Variants in TRHDE observed in about 807,000 individuals in gnomAD.
TRHDE encodes the protein thyrotropin releasing hormone degrading enzyme.
A neutral mutation model predicts 125.7 loss-of-function variants in TRHDE; 72 were observed. The observed-to-expected ratio is 0.57, with a 90% confidence interval of 0.47 to 0.70. TRHDE has a LOEUF of 0.70. Among genes scored for constraint, TRHDE ranks in the 30% least tolerant of loss-of-function variants. The probability of loss-of-function intolerance (pLI) is 0.00; values close to 1 mark genes in which losing one functional copy is unlikely to be tolerated. For synonymous variants in TRHDE, 509 were observed against 509.1 expected (o/e 1.00, Z 0.00); for missense variants, 1,110 against 1,327.1 (o/e 0.84, Z 2.54).
intron 2 of TRHDE, chr12:72,256,045 T>TA (rs1287578029): frequency 6.6e-6 from 1 of 152,172 alleles, no homozygotes; most frequent in Non-Finnish European, 1.5e-5. Flanking sequence ...GAATGTTCAT[T>TA]AAATCTACCG....
intron 6 of TRHDE, among the ~76,000 whole-genome samples, chr12:72,537,327 G>T (rs1868914570): frequency 6.6e-6 from 1 of 151,962 alleles, no homozygotes; most frequent in African/African-American, 2.4e-5. Flanking sequence ...GAGGGGACCT[G>T]TAATCCCCAC....
chr12:72,480,934 T>C (rs557792173), intron 5 of TRHDE, among the ~76,000 whole-genome samples: 1 of 152,114 alleles, frequency 6.6e-6, no homozygotes, highest in Admixed American at 6.6e-5. Context: ...ATTTTATCTC[T>C]CCTTCTCACC....
chr12:72,259,903 C>T (rs1365131776), intron 2 of TRHDE, among the ~76,000 whole-genome samples: 1 of 152,196 alleles, frequency 6.6e-6, no homozygotes, highest in African/African-American at 2.4e-5. Flanking sequence ...GACCTTTCTG[C>T]ATTGGCTGGC....
In TRHDE at chr12:72,184,746, G is replaced by A. The variant is rs571319585; in HGVS notation, n.279+78994G>A. 5.3e-5 allele frequency among the ~76,000 whole-genome samples: 8 copies of A among 152,228 alleles called. No homozygotes were observed. The South Asian group carries it at 1.2e-3, about 24-fold the overall frequency. On this transcript the variant is annotated intron_variant and non_coding_transcript_variant, in intron 2 of 4. Transcript: ENST00000548156. ...TTCAGGCCTTGACTGTATCTGATTT[G>A]GAGGTGAAGGGTATGGCTTTTTGCC...
At chr12:72,398,765 A>G (rs1195002343) in intron 3 of TRHDE, among the ~76,000 whole-genome samples, 1 of 152,212 alleles carries the variant, frequency 6.6e-6, no homozygotes, top group Admixed American at 6.5e-5. Context: ...TTCTCTGGTT[A>G]ATGGGAGTGA....
chr12:72,415,190 A>G (rs1873679587), intron 3 of TRHDE, among the ~76,000 whole-genome samples: 1 of 152,140 alleles, frequency 6.6e-6, no homozygotes, highest in Non-Finnish European at 1.5e-5. Context: ...GCTGCAGTTC[A>G]TTAATGTATT....
intron 3 of TRHDE, among the ~76,000 whole-genome samples, chr12:72,465,186 G>T (rs544488768): frequency 3.9e-5 from 6 of 151,946 alleles, no homozygotes; most frequent in Admixed American, 2.6e-4. Flanking sequence ...ATAAACAAAA[G>T]AATATTTTTG....
At chr12:72,104,164 A>G (rs1875129235) in intron 1 of TRHDE, among the ~76,000 whole-genome samples, 1 of 152,302 alleles carries the variant, frequency 6.6e-6, no homozygotes, top group South Asian at 2.1e-4. Context: ...GTTCAAGCAT[A>G]AATTTTATTA....
At chr12:72,132,357 A>G (rs1875884617) in intron 2 of TRHDE, among the ~76,000 whole-genome samples, 1 of 152,234 alleles carries the variant, frequency 6.6e-6, no homozygotes, top group Non-Finnish European at 1.5e-5. Flanking sequence ...AAACACTGGC[A>G]TTCTCATTCT....
At chr12:72,552,930 AC>A (rs1412811180) in intron 7 of TRHDE, among the ~76,000 whole-genome samples, 2 of 152,156 alleles carry the variant, frequency 1.3e-5, no homozygotes, top group Non-Finnish European at 2.9e-5. Flanking sequence ...TAACTCCAGG[AC>A]CTTGCTCATT....
chr12:72,159,030 T>C (rs1876578729), intron 2 of TRHDE, among the ~76,000 whole-genome samples: 1 of 152,228 alleles, frequency 6.6e-6, no homozygotes, highest in African/African-American at 2.4e-5. Flanking sequence ...TGATTCTAGA[T>C]TCTTTAGTTA....
chr12:72,324,175 T>C (rs1347226860), intron 2 of TRHDE, among the ~76,000 whole-genome samples: 1 of 152,112 alleles, frequency 6.6e-6, no homozygotes, highest in Non-Finnish European at 1.5e-5. Flanking sequence ...AATTCATGTT[T>C]AATGAGTACC....
chr12:72,620,496 C>T (rs1873007494), intron 13 of TRHDE, among the ~76,000 whole-genome samples: 1 of 151,794 alleles, frequency 6.6e-6, no homozygotes, highest in Admixed American at 6.6e-5. Context: ...TGTACTCCAG[C>T]CTGAGCAACA....
chr12:72,111,877 ACAGAGT>A (rs1875323349), intron 2 of TRHDE, among the ~76,000 whole-genome samples: 1 of 152,144 alleles, frequency 6.6e-6, no homozygotes, highest in African/African-American at 2.4e-5. Context: ...ATGTGTCTAC[ACAGAGT>A]CATTTTAGCA....
At chr12:72,475,143 T>G (rs1876831340) in intron 5 of TRHDE, among the ~76,000 whole-genome samples, 2 of 152,194 alleles carry the variant, frequency 1.3e-5, no homozygotes, top group Admixed American at 6.5e-5. Flanking sequence ...ATTATATTAT[T>G]GGAAGTATTC....
chr12:72,409,313 A>G (rs1393679248), intron 3 of TRHDE, among the ~76,000 whole-genome samples: 4 of 152,196 alleles, frequency 2.6e-5, no homozygotes, highest in African/African-American at 4.8e-5. Context: ...AATAAATAAA[A>G]TACAGTTTTC....
At chr12:72,222,030 A>T (rs931126928) in intron 2 of TRHDE, among the ~76,000 whole-genome samples, 1 of 151,968 alleles carries the variant, frequency 6.6e-6, no homozygotes, top group African/African-American at 2.4e-5. Context: ...AGCTTCAGGG[A>T]CTCCAATTTC....
chr12:72,397,560 A>G (rs574781920), intron 3 of TRHDE, among the ~76,000 whole-genome samples: 1 of 152,198 alleles, frequency 6.6e-6, no homozygotes, highest in African/African-American at 2.4e-5. Context: ...CCAACCCACC[A>G]TTCTCCTTGT....
At chr12:72,385,847 A>G (rs191189594) in intron 3 of TRHDE, among the ~76,000 whole-genome samples, 90 of 152,290 alleles carry the variant, frequency 5.9e-4, no homozygotes, top group Non-Finnish European at 9.7e-4. Flanking sequence ...GATAAGCACA[A>G]TAGTAAGGAT....
Sources: allele counts gnomAD v4.1 joint callset (sites outside exome capture counted in the v4.1 genomes callset), GRCh38; gene constraint gnomAD v4.1.1; transcripts MANE v1.5; gene names NCBI Gene and HGNC (gene_info 2026-07-23, HGNC 2026-07-21).